The following MYO5A variants were observed in gnomAD, a reference collection of about 807,000 sequenced individuals.
MYO5A encodes the protein unconventional myosin-Va.
MYO5A carries 98 observed loss-of-function variants against 249.7 expected under a neutral mutation model. That is an observed-to-expected ratio of 0.39 (90% CI 0.33 to 0.46). MYO5A has a LOEUF of 0.46. Among genes scored for constraint, MYO5A ranks in the 20% least tolerant of loss-of-function variants. MYO5A has a pLI of 0.98. For synonymous variants in MYO5A, 778 were observed against 810.6 expected, an observed-to-expected ratio of 0.96 and a Z score of 0.68; for missense variants, 1,696 against 2,308.8, an observed-to-expected ratio of 0.73 and a Z score of 5.44.
intron 4 of MYO5A, among the ~76,000 whole-genome samples, chr15:52,422,406 CACCCT>C (rs951943833): frequency 6.6e-6 from 1 of 152,154 alleles, no homozygotes; most frequent in Non-Finnish European, 1.5e-5. Context: ...CCCTACTCCC[CACCCT>C]ACAACACACA....
chr15:52,315,390 C>T (rs947421930), intron 40 of MYO5A, among the ~76,000 whole-genome samples: 1 of 148,652 alleles, frequency 6.7e-6, no homozygotes, highest in Non-Finnish European at 1.5e-5. Context: ...TGATTGTCTA[C>T]TGATTGACTT....
At chr15:52,501,894 C>T (rs1329638572) in intron 1 of MYO5A, among the ~76,000 whole-genome samples, 1 of 151,774 alleles carries the variant, frequency 6.6e-6, no homozygotes, top group Non-Finnish European at 1.5e-5. Context: ...CACACACACA[C>T]ACACACACAC....
intron 39 of MYO5A, 110 bp downstream of exon 39, chr15:52,318,950 G>T: frequency 7.3e-7 from 1 of 1,375,380 alleles, no homozygotes; most frequent in South Asian, 1.2e-5. Flanking sequence ...TGGCCACATG[G>T]CACCAGACAT....
intron 1 of MYO5A, among the ~76,000 whole-genome samples, chr15:52,527,903 C>T (rs1353661198): frequency 6.6e-6 from 1 of 152,208 alleles, no homozygotes; most frequent in Non-Finnish European, 1.5e-5. Context: ...AAAATATCTA[C>T]CTACACATGA....
chr15:52,341,654 G>T (rs2039388693), intron 31 of MYO5A, among the ~76,000 whole-genome samples: 1 of 58,002 alleles, frequency 1.7e-5, no homozygotes, highest in Non-Finnish European at 3.4e-5. Flanking sequence ...ACTGTTAACA[G>T]TGGACTAAAA....
chr15:52,505,904 G>T, intron 1 of MYO5A: 5 of 1,530,346 alleles, frequency 3.3e-6, no homozygotes, highest in Admixed American at 4.4e-5. Context: ...AAGCTTGAAA[G>T]ATTAAAAAAA....
chr15:52,390,309 AC>A (rs1413725879), intron 12 of MYO5A, among the ~76,000 whole-genome samples: 3 of 152,118 alleles, frequency 2.0e-5, no homozygotes, highest in Non-Finnish European at 4.4e-5. Flanking sequence ...GGGGATGGAT[AC>A]CCAATTTTCC....
At chr15:52,359,501 G>A (rs1224996057) in intron 25 of MYO5A, among the ~76,000 whole-genome samples, 2 of 152,146 alleles carry the variant, frequency 1.3e-5, no homozygotes, top group Non-Finnish European at 2.9e-5. Context: ...TAAAATAGAG[G>A]CATCAGTTTT....
chr15:52,511,589 A>G (rs892061687), intron 1 of MYO5A, among the ~76,000 whole-genome samples: 1 of 152,200 alleles, frequency 6.6e-6, no homozygotes, highest in African/African-American at 2.4e-5. Flanking sequence ...CTCAGCTAAC[A>G]TGAGAATGTG....
At chr15:52,399,258 A>G (rs917106183) in intron 9 of MYO5A, among the ~76,000 whole-genome samples, 4 of 152,196 alleles carry the variant, frequency 2.6e-5, no homozygotes, top group Non-Finnish European at 4.4e-5. Flanking sequence ...TATGTCATTA[A>G]GTATATAGAA....
At chr15:52,483,253 G>A (rs536282191) in intron 1 of MYO5A, among the ~76,000 whole-genome samples, 1 of 152,240 alleles carries the variant, frequency 6.6e-6, no homozygotes, top group South Asian at 2.1e-4. Context: ...TTGAGACCAG[G>A]CCACATCAAA....
intron 39 of MYO5A, among the ~76,000 whole-genome samples, chr15:52,318,711 G>A (rs1209553485): frequency 6.6e-6 from 1 of 152,066 alleles, no homozygotes; most frequent in Non-Finnish European, 1.5e-5. Flanking sequence ...ATTTCTTATT[G>A]TATAATTAAA....
At chr15:52,405,061 A>T (rs751320911) in intron 9 of MYO5A, among the ~76,000 whole-genome samples, 2,029 of 132,382 alleles carry the variant, frequency 0.015, 18 homozygotes, top group East Asian at 0.017. Flanking sequence ...TCACACACAC[A>T]CACACACACA....
At chr15:52,474,201 T>C (rs1054584128) in intron 1 of MYO5A, among the ~76,000 whole-genome samples, 2 of 152,206 alleles carry the variant, frequency 1.3e-5, no homozygotes, top group African/African-American at 4.8e-5. Context: ...TGTCTGTTAT[T>C]GATGTGTAAG....
At position 52,493,640 on chromosome 15, in the gene MYO5A, C is replaced by T. The variant is rs182777238; in HGVS notation, c.27+35140G>A. Reference sequence around the variant, plus strand: ...TCATGCCATTGCACTCCAGTCTGGGCGATAGAGCGAGACTCAGTCTCAAAA... The same window carrying T: ...TCATGCCATTGCACTCCAGTCTGGGTGATAGAGCGAGACTCAGTCTCAAAA... On this transcript the variant is annotated intron_variant, in intron 1 of 41. Transcript: ENST00000399233. Among the ~76,000 whole-genome samples the T allele has an allele frequency of 6.5e-3, 986 of 151,548 alleles. 17 individuals are homozygous for T. The highest frequency in any genetic ancestry group is 0.023 in the African/African-American group (944 of 41,296).
chr15:52,476,513 T>C (rs1398438840), intron 1 of MYO5A, among the ~76,000 whole-genome samples: 1 of 152,212 alleles, frequency 6.6e-6, no homozygotes, highest in Non-Finnish European at 1.5e-5. Context: ...TTTGGCATGT[T>C]TTTGCAGTGG....
Position 52,376,293 on chromosome 15 carries a change from C to G in MYO5A, c.2420+54G>C, listed in dbSNP as rs896218992. The G allele has an allele frequency of 1.5e-5, 24 of 1,565,950 alleles. No individual in the cohort carries two copies. In the South Asian group the frequency reaches 2.7e-4, roughly 17 times the overall value. ...GCTATGGTGACCAGTCAAAACTGTC[C>G]TTGGTTGGACAGTGAATTAGATGGG... On this transcript the variant is annotated intron_variant, in intron 19 of 41. Coordinates refer to ENST00000399233, the MANE Select transcript of MYO5A (RefSeq NM_001382347.1).
At chr15:52,349,188 C>G (rs979552457) in intron 28 of MYO5A, among the ~76,000 whole-genome samples, 3 of 152,138 alleles carry the variant, frequency 2.0e-5, no homozygotes, top group Admixed American at 6.5e-5. Flanking sequence ...AAAGTTATGT[C>G]TCTCACAGAA....
intron 11 of MYO5A, among the ~76,000 whole-genome samples, chr15:52,392,947 G>C (rs921311393): frequency 2.3e-4 from 35 of 152,194 alleles, no homozygotes; most frequent in Non-Finnish European, 4.4e-4. Context: ...GCTGGTCAGG[G>C]GAGGCTTCCC....
Sources: gnomAD v4.1 joint callset for allele counts (sites outside exome capture counted in the v4.1 genomes callset) on GRCh38, gnomAD v4.1.1 for gene constraint, MANE v1.5 for transcripts, NCBI Gene and HGNC (gene_info 2026-07-23, HGNC 2026-07-21) for gene names.